The following DMD variants were observed in gnomAD, a reference collection of about 807,000 sequenced individuals.
DMD encodes dystrophin, also known as mutant dystrophin.
Under a neutral mutation model 330.1 loss-of-function variants are expected in DMD, and 63 were observed. The observed-to-expected ratio is 0.19, with a 90% CI of 0.16 to 0.24. DMD has a LOEUF of 0.24. Ranked by LOEUF, DMD falls within the 10% of genes least tolerant of loss-of-function variation. DMD has a pLI of 1.00. For missense variants in DMD, 3,344 were observed against 2,684.1 expected (o/e 1.25, Z -5.43); for synonymous variants, 1,223 against 959.8 (o/e 1.27, Z -5.07).
At chrX:32,554,605 C>A (rs1291653014) in intron 16 of DMD, among the ~76,000 whole-genome samples, 1 of 108,724 alleles carries the variant, frequency 9.2e-6, no homozygotes, top group African/African-American at 3.3e-5. Context: ...ATAATGCGTT[C>A]TGAAATTGAG....
intron 44 of DMD, among the ~76,000 whole-genome samples, chrX:32,182,928 T>C (rs1468651426): frequency 4.5e-5 from 5 of 111,579 alleles, no homozygotes; most frequent in South Asian, 3.7e-4. Context: ...ACAAGTCTAA[T>C]TGGGGAAAGT....
chrX:32,105,242 T>C (rs1301236860), intron 44 of DMD, among the ~76,000 whole-genome samples: 3 of 111,552 alleles, frequency 2.7e-5, no homozygotes, highest in Non-Finnish European at 5.7e-5. Flanking sequence ...AATTGTAACA[T>C]TAAGAGAACA....
chrX:32,808,010 A>T (rs1381325097), intron 7 of DMD, among the ~76,000 whole-genome samples: 2 of 111,793 alleles, frequency 1.8e-5, no homozygotes, highest in Non-Finnish European at 3.8e-5. Flanking sequence ...TTATCCTCAG[A>T]GGTTGAAGTC....
chrX:32,870,980 A>AAAAAAAAG (rs1557104332), intron 2 of DMD, among the ~76,000 whole-genome samples: 5,277 of 36,476 alleles, frequency 0.14, 478 homozygotes, highest in Non-Finnish European at 0.19. Flanking sequence ...AAAAAAAAAA[A>AAAAAAAAG]AAAAAAAACC....
intron 2 of DMD, among the ~76,000 whole-genome samples, chrX:32,991,437 T>C (rs766990090): frequency 8.9e-6 from 1 of 112,085 alleles, no homozygotes; most frequent in South Asian, 3.7e-4. Context: ...AAACAAAAAA[T>C]GTTCTATACA....
chrX:33,286,219 C>A (rs2053430346), intron 1 of DMD, among the ~76,000 whole-genome samples: 1 of 111,049 alleles, frequency 9.0e-6, no homozygotes, highest in South Asian at 3.7e-4. Flanking sequence ...TATAAAAATT[C>A]TTGTTTTATA....
At chrX:32,024,842 G>A (rs1482933726) in intron 44 of DMD, among the ~76,000 whole-genome samples, 2 of 111,761 alleles carry the variant, frequency 1.8e-5, no homozygotes, top group African/African-American at 6.5e-5. Flanking sequence ...TTGCTGAAAT[G>A]AATATGAACA....
In DMD at chrX:31,919,723, T is replaced by C. The variant is rs191642565; in HGVS notation, c.6912+9873A>G. Among the ~76,000 whole-genome samples, 47 of 112,355 alleles carry C rather than the reference T, an allele frequency of 4.2e-4. 1 individual carries two copies. In the East Asian group the frequency reaches 8.4e-3, roughly 20 times the overall value. The stretch of plus-strand genomic sequence containing the variant: ...GCTCTCGTCAATGTCTTGTAATTGG[T>C]TCTAATATCAGCAAGCCAATCAAAA... On this transcript the variant is annotated intron_variant, in intron 47 of 78. Transcript: ENST00000357033.
chrX:32,981,986 T>G (rs2092718435), intron 2 of DMD, among the ~76,000 whole-genome samples: 1 of 111,844 alleles, frequency 8.9e-6, no homozygotes, highest in Non-Finnish European at 1.9e-5. Context: ...TCAAATCTCA[T>G]GAAGAGAAAA....
chrX:31,963,267 A>T (rs1188739856), intron 45 of DMD, among the ~76,000 whole-genome samples: 2 of 112,058 alleles, frequency 1.8e-5, no homozygotes, highest in Non-Finnish European at 3.8e-5. Flanking sequence ...AAGTACATTT[A>T]CGAATGCCTC....
chrX:32,417,009 C>T (rs1207921100), intron 29 of DMD, among the ~76,000 whole-genome samples: 9 of 112,000 alleles, frequency 8.0e-5, no homozygotes, highest in African/African-American at 2.9e-4. Flanking sequence ...GGGTGTATAT[C>T]ATTTTTGATA....
At chrX:32,764,961 T>A (rs1003454757) in intron 7 of DMD, among the ~76,000 whole-genome samples, 1 of 44,933 alleles carries the variant, frequency 2.2e-5, no homozygotes, top group Non-Finnish European at 3.4e-5. Flanking sequence ...TTCTGGGTTT[T>A]TTTTTTTTTT....
chrX:31,340,929 ATTAT>A (rs2057695650), intron 61 of DMD, among the ~76,000 whole-genome samples: 1 of 112,140 alleles, frequency 8.9e-6, no homozygotes, highest in African/African-American at 3.2e-5. Context: ...TATCTTTTTG[ATTAT>A]TTATCACTCG....
intron 7 of DMD, among the ~76,000 whole-genome samples, chrX:32,734,702 C>G (rs973321758): frequency 9.1e-6 from 1 of 109,802 alleles, no homozygotes; most frequent in Non-Finnish European, 1.9e-5. Context: ...AGGCCTTTGA[C>G]AAAATTCAAC....
intron 78 of DMD, among the ~76,000 whole-genome samples, chrX:31,124,015 A>G (rs1378133130): frequency 1.8e-5 from 2 of 111,923 alleles, no homozygotes; most frequent in Non-Finnish European, 3.8e-5. Context: ...ACTAACTGGA[A>G]GGAAAATTCT....
chrX:33,315,109 G>A (rs2053915082), intron 1 of DMD, among the ~76,000 whole-genome samples: 1 of 112,067 alleles, frequency 8.9e-6, no homozygotes, highest in South Asian at 3.7e-4. Flanking sequence ...ATGAGCCACC[G>A]CACCTAGCCA....
intron 51 of DMD, among the ~76,000 whole-genome samples, chrX:31,735,830 A>G (rs753532551): frequency 2.7e-5 from 3 of 111,911 alleles, no homozygotes; most frequent in African/African-American, 9.7e-5. Flanking sequence ...CGGAAGACAG[A>G]AAGTTAAGAT....
chrX:32,752,742 T>A (rs113809253), intron 7 of DMD, among the ~76,000 whole-genome samples: 2,173 of 108,997 alleles, frequency 0.02, 67 homozygotes, highest in African/African-American at 0.068. Flanking sequence ...TGTCAGAGGA[T>A]CCCTGTGGGA....
rs182053907 is a variant in DMD, at chrX:31,969,721, C to T, written c.6439-1207G>A. ...TTCTACATTCAAGCAAAATTATTTTCGAATACTGGAAATTTTGGTAGCATA... is the reference window on the plus strand; with the variant it reads ...TTCTACATTCAAGCAAAATTATTTTTGAATACTGGAAATTTTGGTAGCATA... On this transcript the variant is annotated intron_variant, in intron 44 of 78. Coordinates refer to ENST00000357033, the MANE Select transcript of DMD (RefSeq NM_004006.3). Among the ~76,000 whole-genome samples, 8 of 111,325 alleles carry T rather than the reference C, an allele frequency of 7.2e-5. No individual in the cohort carries two copies. In the Admixed American group the frequency reaches 7.6e-4, roughly 11 times the overall value.
Sources: allele counts gnomAD v4.1 joint callset (sites outside exome capture counted in the v4.1 genomes callset), GRCh38; gene constraint gnomAD v4.1.1; transcripts MANE v1.5; gene names NCBI Gene and HGNC (gene_info 2026-07-23, HGNC 2026-07-21).